OPCML: variants seen among roughly 807,000 people sequenced by gnomAD.
OPCML encodes the protein opioid-binding protein/cell adhesion molecule.
In OPCML, 13 loss-of-function variants were observed where a neutral mutation model predicts 37.8. The observed-to-expected ratio is 0.34, with a 90% CI of 0.22 to 0.55. The LOEUF (loss-of-function observed/expected upper bound fraction) is 0.55. Ranked by LOEUF, OPCML falls within the 20% of genes least tolerant of loss-of-function variation. The pLI is 0.91. For synonymous variants in OPCML, 176 were observed against 168.8 expected (o/e 1.04, Z -0.33); for missense variants, 341 against 435.6 (o/e 0.78, Z 1.93).
chr11:132,447,792 G>T (rs991220061), intron 4 of OPCML, among the ~76,000 whole-genome samples: 3 of 152,236 alleles, frequency 2.0e-5, no homozygotes, highest in Non-Finnish European at 2.9e-5. Context: ...TCTTAAGAGA[G>T]GCAGTGGCTT....
chr11:132,948,109 G>A (rs1332788750), intron 1 of OPCML, among the ~76,000 whole-genome samples: 1 of 152,172 alleles, frequency 6.6e-6, no homozygotes, highest in African/African-American at 2.4e-5. Flanking sequence ...TATGTTATAG[G>A]GTTTGAGGTT....
At chr11:132,960,300 T>C (rs1946064495) in intron 1 of OPCML, among the ~76,000 whole-genome samples, 1 of 152,190 alleles carries the variant, frequency 6.6e-6, no homozygotes, top group Non-Finnish European at 1.5e-5. Flanking sequence ...GCCCCAGTCC[T>C]TCCCTTCTTA....
intron 1 of OPCML, among the ~76,000 whole-genome samples, chr11:133,461,145 T>A (rs2136985175): frequency 6.6e-6 from 1 of 152,032 alleles, no homozygotes; most frequent in Non-Finnish European, 1.5e-5. Context: ...AAACTGAACT[T>A]CTTTTTTTAG....
chr11:132,849,912 T>C (rs148816988), intron 2 of OPCML, among the ~76,000 whole-genome samples: 12 of 152,344 alleles, frequency 7.9e-5, no homozygotes, highest in Non-Finnish European at 1.2e-4. Flanking sequence ...AACTGTGTCA[T>C]GGATCTCTAA....
intron 1 of OPCML, among the ~76,000 whole-genome samples, chr11:133,236,902 C>G (rs546710856): frequency 2.7e-5 from 4 of 147,406 alleles, no homozygotes; most frequent in Non-Finnish European, 6.0e-5. Context: ...AGGGAGGATG[C>G]GTCAGGTTAT....
At chr11:133,421,015 T>C (rs909122821) in intron 1 of OPCML, 1 of 985,276 alleles carries the variant, frequency 1.0e-6, no homozygotes, top group African/African-American at 1.7e-5. Flanking sequence ...TAAACTAAAA[T>C]AGGAGAGAAT....
At chr11:132,466,251 C>G (rs562846699) in intron 4 of OPCML, among the ~76,000 whole-genome samples, 151 of 150,704 alleles carry the variant, frequency 1.0e-3, no homozygotes, top group Middle Eastern at 3.5e-3. Context: ...TTTGGGAGGC[C>G]GAGGCGGGCG....
rs1314855738 is a variant in OPCML at position 132,769,260 on chromosome 11, C to T, written c.147-111941G>A. On this transcript the variant is annotated intron_variant, in intron 2 of 7. Coordinates refer to ENST00000524381, the MANE Select transcript of OPCML (RefSeq NM_001012393.5). ...TGTTTGTTGTTTTTTTTTTTTGAGACGGAGTCTCGCTCTGTTGCCCAGGCT... is the reference window on the plus strand; with the variant it reads ...TGTTTGTTGTTTTTTTTTTTTGAGATGGAGTCTCGCTCTGTTGCCCAGGCT... 4.4e-5 allele frequency among the ~76,000 whole-genome samples: 6 copies of T among 137,576 alleles called. No homozygotes were observed. In the East Asian group the frequency reaches 6.1e-4, roughly 14 times the overall value. The allele number at this position is 137,576 out of a possible 152,430, so 90.3% of individuals were successfully genotyped here.
At chr11:132,464,648 T>C (rs1385903738) in intron 4 of OPCML, among the ~76,000 whole-genome samples, 2 of 152,180 alleles carry the variant, frequency 1.3e-5, no homozygotes, top group African/African-American at 4.8e-5. Flanking sequence ...TCTGGGAAAA[T>C]GGGCAAATCA....
intron 1 of OPCML, among the ~76,000 whole-genome samples, chr11:132,980,702 C>T (rs928789627): frequency 1.3e-5 from 2 of 152,150 alleles, no homozygotes; most frequent in East Asian, 1.9e-4. Flanking sequence ...GCCATCTCTG[C>T]TCAGTTCATA....
At chr11:132,485,853 C>A (rs138020681) in intron 4 of OPCML, among the ~76,000 whole-genome samples, 4 of 152,268 alleles carry the variant, frequency 2.6e-5, no homozygotes, top group African/African-American at 9.6e-5. Flanking sequence ...ATAAAACATT[C>A]TTGTACAAAT....
chr11:132,481,485 C>G (rs1051942444), intron 4 of OPCML, among the ~76,000 whole-genome samples: 1 of 149,796 alleles, frequency 6.7e-6, no homozygotes, highest in Non-Finnish European at 1.5e-5. Flanking sequence ...CTTTAACACC[C>G]CACTGTCAAC....
intron 2 of OPCML, among the ~76,000 whole-genome samples, chr11:132,921,208 C>T (rs1477324618): frequency 2.0e-5 from 3 of 152,200 alleles, no homozygotes; most frequent in African/African-American, 7.2e-5. Flanking sequence ...TCTTAAGACA[C>T]AGATTGCTGC....
At position 132,891,600 on chromosome 11, in the gene OPCML, G is replaced by A. The variant is rs188359864; in HGVS notation, c.146+51326C>T. Among the ~76,000 whole-genome samples, 25 of 152,044 alleles carry A rather than the reference G, an allele frequency of 1.6e-4. 1 individual carries two copies. Among genetic ancestry groups the A allele is most frequent in the Admixed American group, 3.9e-4 (6 of 15,270 alleles). On this transcript the variant is annotated intron_variant, in intron 2 of 7. Coordinates refer to ENST00000524381, the MANE Select transcript of OPCML (RefSeq NM_001012393.5). ...CCAGAATATAAACTAGAATATCAAC[G>A]CCATGAGAGCAAGGCTTTTATCTCT...
intron 4 of OPCML, among the ~76,000 whole-genome samples, chr11:132,471,158 C>T (rs1016203456): frequency 2.0e-5 from 3 of 152,042 alleles, no homozygotes; most frequent in Non-Finnish European, 2.9e-5. Flanking sequence ...AAGTTTCAGC[C>T]GAGTGGTAAG....
intron 2 of OPCML, among the ~76,000 whole-genome samples, chr11:132,806,455 G>A (rs1193948206): frequency 6.6e-6 from 1 of 152,204 alleles, no homozygotes; most frequent in Middle Eastern, 3.4e-3. Flanking sequence ...AAGTTGATGT[G>A]GGTTTATTGA....
At chr11:133,192,402 A>G (rs2136303875) in intron 1 of OPCML, among the ~76,000 whole-genome samples, 1 of 152,334 alleles carries the variant, frequency 6.6e-6, no homozygotes, top group Admixed American at 6.5e-5. Flanking sequence ...AACAGATCTA[A>G]GTTCTATGTG....
chr11:133,344,623 C>T (rs1025999077), intron 1 of OPCML, among the ~76,000 whole-genome samples: 1 of 152,182 alleles, frequency 6.6e-6, no homozygotes, highest in Non-Finnish European at 1.5e-5. Context: ...CAAGGAGCCC[C>T]ACCTCCTACT....
intron 2 of OPCML, among the ~76,000 whole-genome samples, chr11:132,876,467 A>G (rs28690716): frequency 0.14 from 20,623 of 152,188 alleles, 1,612 homozygotes; most frequent in Non-Finnish European, 0.18. Context: ...CTGAATGGCC[A>G]CCAGAGGCAA....
Sources: gnomAD v4.1 joint callset for allele counts (sites outside exome capture counted in the v4.1 genomes callset) on GRCh38, gnomAD v4.1.1 for gene constraint, MANE v1.5 for transcripts, NCBI Gene and HGNC (gene_info 2026-07-23, HGNC 2026-07-21) for gene names.